TSPAN33: variants seen among roughly 807,000 people sequenced by gnomAD.
TSPAN33 encodes the protein tetraspanin 33, also known as tetraspanin-33.
A neutral mutation model predicts 34.8 loss-of-function variants in TSPAN33; 27 were observed. The ratio of observed to expected loss-of-function variants is 0.78; its 90% CI spans 0.57 to 1.07. TSPAN33 has a LOEUF of 1.07. Ranked by LOEUF, TSPAN33 falls within the 50% of genes least tolerant of loss-of-function variation. TSPAN33 has a pLI of 0.00. For missense variants in TSPAN33, 272 were observed against 324.9 expected, an observed-to-expected ratio of 0.84 and a Z score of 1.25; for synonymous variants, 119 against 124.2, an observed-to-expected ratio of 0.96 and a Z score of 0.28.
chr7:129,154,882 AGACAATCCAGCAATCCCACTACT>A (rs1810646992), intron 1 of TSPAN33, among the ~76,000 whole-genome samples: 1 of 152,262 alleles, frequency 6.6e-6, no homozygotes, highest in African/African-American at 2.4e-5. Context: ...TAGAACTACT[AGACAATCCAGCAATCCCACTACT>A]GAGTGTTTAT....
chr7:129,150,836 A>C (rs1286931515), intron 1 of TSPAN33, among the ~76,000 whole-genome samples: 1 of 152,164 alleles, frequency 6.6e-6, no homozygotes. Context: ...AGTGGCAAGC[A>C]GACAGGGACT....
chr7:129,153,699 C>T (rs1810631370), intron 1 of TSPAN33, among the ~76,000 whole-genome samples: 1 of 151,818 alleles, frequency 6.6e-6, no homozygotes, highest in Non-Finnish European at 1.5e-5. Context: ...CCAGCACTTT[C>T]AGAGGCCATG....
At position 129,168,182 on chromosome 7, in the gene TSPAN33, G is replaced by C. The variant is rs541581838; in HGVS notation, c.*308G>C. On this transcript the variant is annotated 3_prime_UTR_variant, in exon 8 of 8. Transcript: ENST00000486685. Reference sequence around the variant, plus strand: ...TGCACAGAGAGTTGGGGGTACTGCTGCTGCCTTTTCACCGAGGCACTGCCA... The same window carrying C: ...TGCACAGAGAGTTGGGGGTACTGCTCCTGCCTTTTCACCGAGGCACTGCCA... 24 of 311,102 alleles carry C rather than the reference G, an allele frequency of 7.7e-5. No individual in the cohort carries two copies. Among genetic ancestry groups the C allele is most frequent in the Non-Finnish European group, 1.2e-4 (20 of 167,680 alleles). 19.3% of individuals were successfully genotyped at this position (311,102 alleles called of 1,614,324 possible).
intron 1 of TSPAN33, among the ~76,000 whole-genome samples, chr7:129,155,874 A>C (rs1234291660): frequency 6.6e-6 from 1 of 151,862 alleles, no homozygotes; most frequent in Non-Finnish European, 1.5e-5. Flanking sequence ...ACAGGCATGC[A>C]CCACCATACT....
At chr7:129,157,959 C>T (rs993212773) in intron 1 of TSPAN33, among the ~76,000 whole-genome samples, 1 of 152,152 alleles carries the variant, frequency 6.6e-6, no homozygotes, top group Non-Finnish European at 1.5e-5. Flanking sequence ...CAGGTTTCAC[C>T]GGGCTAAAAT....
chr7:129,146,943 T>G (rs1810528442), intron 1 of TSPAN33, among the ~76,000 whole-genome samples: 1 of 152,114 alleles, frequency 6.6e-6, no homozygotes, highest in Admixed American at 6.5e-5. Flanking sequence ...CCTGGTCATT[T>G]TTTTTTTCTC....
At chr7:129,163,333 C>CTTTTTTT (rs57365994) in intron 4 of TSPAN33, among the ~76,000 whole-genome samples, 1 of 124,868 alleles carries the variant, frequency 8.0e-6, no homozygotes, top group Non-Finnish European at 1.6e-5. Context: ...TTCTTTCTTT[C>CTTTTTTT]TTTTTTTTTT....
rs1473680827 is a variant in TSPAN33, at chr7:129,167,862, C to T, written c.840C>T (p.Asp280=). 1 of 1,614,010 alleles carries T rather than the reference C, an allele frequency of 6.2e-7. No homozygotes were observed. The highest frequency in any genetic ancestry group is 8.5e-7 in the Non-Finnish European group (1 of 1,179,966). Residue 280 remains aspartate, a synonymous_variant, in exon 8 of 8, where the codon GAC becomes GAT. Transcript: ENST00000486685. The surrounding 1 kb of genome is among the most constrained non-coding windows in gnomAD (Gnocchi z 4.6). ...LQLYNQQHRA[D]PWY is the part of the protein sequence containing the mutation. ...TCTACAACCAGCAGCACCGGGCTGA[C>T]CCATGGTACTGAGAATCCATCCTGC... is the stretch of plus-strand genomic sequence containing the variant.
At chr7:129,156,798 C>T (rs868069930) in intron 1 of TSPAN33, among the ~76,000 whole-genome samples, 1 of 152,160 alleles carries the variant, frequency 6.6e-6, no homozygotes, top group Non-Finnish European at 1.5e-5. Context: ...CTGCCCCCAT[C>T]CTAGAATCAG....
chr7:129,157,731 A>G (rs1349281775), intron 1 of TSPAN33, among the ~76,000 whole-genome samples: 1 of 152,188 alleles, frequency 6.6e-6, no homozygotes, highest in East Asian at 1.9e-4. Context: ...TGGCAGCCAA[A>G]GTTGAGCATG....
At chr7:129,160,751 A>G (rs777023114) in intron 1 of TSPAN33, among the ~76,000 whole-genome samples, 47 of 152,178 alleles carry the variant, frequency 3.1e-4, no homozygotes, top group Admixed American at 3.9e-4. Flanking sequence ...ATTGACCTCT[A>G]AGAGGGTTAG....
chr7:129,166,216 C>A (rs6976529), intron 5 of TSPAN33, among the ~76,000 whole-genome samples: 119,236 of 152,122 alleles, frequency 0.78, 46,922 homozygotes, highest in Non-Finnish European at 0.8. Context: ...CTGGGATTAC[C>A]GGTGTGAGCC....
Position 129,145,017 on chromosome 7 carries a change from G to T in TSPAN33, c.37G>T (p.Glu13Ter). 1 of 708,410 alleles carries T rather than the reference G, an allele frequency of 1.4e-6. No individual in the cohort carries two copies. The allele number at this position is 708,410 out of a possible 1,614,324, so 43.9% of individuals were successfully genotyped here. A position where few individuals can be genotyped will look rare whatever the true frequency, so the allele number is the denominator to read the frequency against. ...ACCCCGGGCGCCGGCCGCCTCCGGG[G>T]AGGAGTTCTCCTTCGTCAGCCCGCT... Reference protein sequence around the residue: ...RRPRAPAASGEEFSFVSPLVK... With the variant: ...RRPRAPAASG The change falls in exon 1 of 8, where the codon GAG (glutamate) becomes TAG (stop). Residue 13 changes from glutamate to a stop codon, truncating the protein, a stop_gained. Coordinates refer to ENST00000486685, the MANE Select transcript of TSPAN33 (RefSeq NM_178562.5). LOFTEE classifies it high-confidence loss of function.
At position 129,162,927 on chromosome 7, in the gene TSPAN33, G is replaced by T; in HGVS notation, c.363+20G>T. ...GACAAGGTAACACTGGGAGCCAGGA[G>T]GCCTCCTCAGGTGTGACCCAGAGGG... On this transcript the variant is annotated intron_variant, in intron 4 of 7. Coordinates refer to ENST00000486685, the MANE Select transcript of TSPAN33 (RefSeq NM_178562.5). 6.2e-7 allele frequency: 1 copy of T among 1,612,194 alleles called. No individual in the cohort carries two copies. Among genetic ancestry groups the T allele is most frequent in the Non-Finnish European group, 8.5e-7 (1 of 1,178,876 alleles).
chr7:129,150,811 G>C (rs1810583362), intron 1 of TSPAN33, among the ~76,000 whole-genome samples: 1 of 152,124 alleles, frequency 6.6e-6, no homozygotes, highest in Admixed American at 6.5e-5. Context: ...CGCTCCTCCA[G>C]GGAGGAGGAA....
chr7:129,160,680 A>G (rs1002264477), intron 1 of TSPAN33, among the ~76,000 whole-genome samples: 1 of 152,236 alleles, frequency 6.6e-6, no homozygotes, highest in Non-Finnish European at 1.5e-5. Flanking sequence ...GTGCTTACAT[A>G]CATGCACTCA....
At position 129,145,885 on chromosome 7, in the gene TSPAN33, C is replaced by G. The variant is rs142681341; in HGVS notation, c.102+803C>G. Among the ~76,000 whole-genome samples the G allele has an allele frequency of 7.4e-3, 1,130 of 152,152 alleles. 6 individuals carry two copies. Among genetic ancestry groups the G allele is most frequent in the Non-Finnish European group, 0.011 (766 of 67,990 alleles). ...GTCTGCAGGCCTTGACTCCCTCCCC[C>G]ACAAATCCAACCCAGTGTGATCAGG... On this transcript the variant is annotated intron_variant, in intron 1 of 7. Coordinates refer to ENST00000486685, the MANE Select transcript of TSPAN33 (RefSeq NM_178562.5).
At chr7:129,161,892 C>A (rs549741569) in intron 2 of TSPAN33, among the ~76,000 whole-genome samples, 156 bp downstream of exon 2, 42 of 152,340 alleles carry the variant, frequency 2.8e-4, no homozygotes, top group African/African-American at 9.4e-4. Context: ...CAGACCCCCC[C>A]AGGCCAGTGC....
chr7:129,161,577 C>G (rs887305735), intron 1 of TSPAN33, 102 bp from the exon 2 acceptor site: 2 of 1,131,032 alleles, frequency 1.8e-6, no homozygotes, highest in African/African-American at 3.1e-5. Flanking sequence ...CCTTTGGGTC[C>G]CAGGAAAGCA....
Sources: gnomAD v4.1 joint callset for allele counts (sites outside exome capture counted in the v4.1 genomes callset) on GRCh38, gnomAD v4.1.1 for gene constraint, Gnocchi (gnomAD v3.1) non-coding constraint, MANE v1.5 for transcripts, NCBI Gene and HGNC (gene_info 2026-07-23, HGNC 2026-07-21) for gene names.